Variants in PCLO observed in about 807,000 individuals in gnomAD.
PCLO encodes piccolo presynaptic cytomatrix protein.
In PCLO, 82 loss-of-function variants were observed where a neutral mutation model predicts 427.5. That is an observed-to-expected ratio of 0.19 (90% CI 0.16 to 0.23). The LOEUF is 0.23. Among genes scored for constraint, PCLO ranks in the 10% least tolerant of loss-of-function variants. The pLI is 1.00. For synonymous variants in PCLO, 2,357 were observed against 2,155.4 expected, an observed-to-expected ratio of 1.09 and a Z score of -2.59; for missense variants, 6,239 against 6,115.9, an observed-to-expected ratio of 1.02 and a Z score of -0.67.
rs568187704 is a variant in PCLO, at chr7:83,063,101, T to C, written c.3300+71149A>G. ...CAATCTAGGTAAAATTTTATTTCCA[T>C]TTTTGAGAGGAAGAAACTAAGTAAA... On this transcript the variant is annotated intron_variant, in intron 3 of 24. Coordinates refer to ENST00000333891, the MANE Select transcript of PCLO (RefSeq NM_033026.6). Among the ~76,000 whole-genome samples, 4 of 152,208 alleles carry C rather than the reference T, an allele frequency of 2.6e-5. No individual in the cohort carries two copies. In the South Asian group the frequency reaches 8.3e-4, roughly 32 times the overall value.
rs1436769886 is a variant in PCLO at position 82,952,061 on chromosome 7, C to T, written c.8892G>A (p.Glu2964=). The T allele has an allele frequency of 6.2e-7, 1 of 1,613,964 alleles. No homozygotes were observed. Among genetic ancestry groups the T allele is most frequent in the East Asian group, 2.2e-5 (1 of 44,874 alleles). The change falls in exon 5 of 25, where the codon GAG becomes GAA. Residue 2964 remains glutamate (E), a synonymous_variant. Coordinates refer to ENST00000333891, the MANE Select transcript of PCLO (RefSeq NM_033026.6). ...GGTCATCCCTATAACCAAAACGATC[C>T]TCAGGAAGAGTAGTTGCAGGCTGCT... ...TAQQPATTLP[E]DRFGYRDDHY...
rs181143686 is a variant in PCLO, at chr7:82,953,945, G to A, written c.7008C>T (p.Ser2336=). 103 of 1,613,818 alleles carry A rather than the reference G, an allele frequency of 6.4e-5. No homozygotes were observed. In the African/African-American group the frequency reaches 9.3e-4, roughly 15 times the overall value. The change falls in exon 5 of 25, where the codon TCC becomes TCT. Residue 2336 remains serine (S), a synonymous_variant. Coordinates refer to ENST00000333891, the MANE Select transcript of PCLO (RefSeq NM_033026.6). ...AAGGTGGGTGATCAAACACGGTTTC[G>A]GATAAGCTACTTTTTGTTCGTTCGG... ...LEAERTKSSL[S]ETVFDHPPSS...
chr7:83,156,136 C>T lies in PCLO; in HGVS notation c.505G>A (p.Val169Ile). ...TCAAAAGGGTTGAATTTATTTACAACAGAGGAAACAGCACTTAAAGCGTTA... is the reference window on the plus strand; with the variant it reads ...TCAAAAGGGTTGAATTTATTTACAATAGAGGAAACAGCACTTAAAGCGTTA... ...EVNALSAVSS[V>I]VNKFNPFDLI... The change falls in exon 2 of 25, where the codon GTT (valine) becomes ATT (isoleucine). Residue 169 changes from valine (V) to isoleucine (I), a missense_variant. Physicochemically the swap from Val to Ile is conservative, Grantham distance 29. Transcript: ENST00000333891. 1 of 1,613,838 alleles carries T rather than the reference C, an allele frequency of 6.2e-7. No homozygotes were observed. Among genetic ancestry groups the T allele is most frequent in the Non-Finnish European group, 8.5e-7 (1 of 1,179,840 alleles).
At chr7:82,906,244 G>A (rs890756401) in intron 8 of PCLO, among the ~76,000 whole-genome samples, 6 of 151,984 alleles carry the variant, frequency 3.9e-5, no homozygotes, top group Non-Finnish European at 7.4e-5. Flanking sequence ...AGATAAATTA[G>A]TGTTTGCATT....
intron 3 of PCLO, among the ~76,000 whole-genome samples, chr7:83,099,172 G>A (rs189084892): frequency 1.5e-4 from 23 of 150,100 alleles, no homozygotes; most frequent in Admixed American, 1.3e-3. Context: ...GTCATTGAAC[G>A]TGTATAGGCA....
intron 9 of PCLO, among the ~76,000 whole-genome samples, chr7:82,888,093 A>G (rs1793671519): frequency 6.6e-6 from 1 of 152,056 alleles, no homozygotes; most frequent in Admixed American, 6.6e-5. Context: ...AAAGAAAGAA[A>G]GAAAATGAAT....
chr7:82,797,386 T>C (rs969441687), intron 22 of PCLO, among the ~76,000 whole-genome samples: 6 of 152,234 alleles, frequency 3.9e-5, no homozygotes, highest in South Asian at 2.1e-4. Context: ...TCTTAACTAA[T>C]GGAAGGGTCA....
At chr7:83,117,321 A>G (rs1791159856) in intron 3 of PCLO, among the ~76,000 whole-genome samples, 2 of 152,194 alleles carry the variant, frequency 1.3e-5, no homozygotes, top group East Asian at 3.9e-4. Flanking sequence ...TCCAGCCCTT[A>G]GTTAACTGGC....
chr7:82,834,754 T>A (rs1247786828), intron 16 of PCLO, among the ~76,000 whole-genome samples: 1 of 152,154 alleles, frequency 6.6e-6, no homozygotes, highest in Admixed American at 6.6e-5. Context: ...ATGCAACTTG[T>A]CATGAGCTGT....
Position 82,858,187 on chromosome 7 carries a change from T to C in PCLO, c.13655-10940A>G, listed in dbSNP as rs147582616. 9.9e-4 allele frequency among the ~76,000 whole-genome samples: 151 copies of C among 152,196 alleles called. 4 individuals are homozygous for C. The East Asian group carries it at 0.025, about 25-fold the overall frequency. ...AACATATGGAAGTCAATACACGTGC[T>C]ACACATTAAAAAAATGAAGAACAAA... On this transcript the variant is annotated intron_variant, in intron 10 of 24. Transcript: ENST00000333891.
At chr7:82,766,412 A>C (rs1373893032) in intron 22 of PCLO, among the ~76,000 whole-genome samples, 1 of 152,040 alleles carries the variant, frequency 6.6e-6, no homozygotes, top group African/African-American at 2.4e-5. Flanking sequence ...AACCTAGTTA[A>C]ATGAGGTGGC....
rs1795359615 is a variant in PCLO, at chr7:82,951,926, A to T, written c.9027T>A (p.Ser3009Arg). The T allele has an allele frequency of 2.5e-6, 4 of 1,613,794 alleles. No individual in the cohort carries two copies. The highest frequency in any genetic ancestry group is 3.3e-5 in the Admixed American group (2 of 60,000). ...LAEAGHFFYK[S>R]KNAFDYSEGT... is the part of the protein sequence containing the mutation. ...CTTCAGAATAATCAAAAGCATTCTT[A>T]CTTTTATAGAAAAAATGTCCAGCTT... The change falls in exon 5 of 25, where the codon AGT (serine) becomes AGA (arginine). Residue 3009 changes from serine to arginine, a missense_variant. Physicochemically the swap from Ser to Arg is moderately radical, Grantham distance 110. Transcript: ENST00000333891.
chr7:82,879,673 G>A (rs898407156), intron 9 of PCLO, among the ~76,000 whole-genome samples: 6 of 152,036 alleles, frequency 3.9e-5, no homozygotes, highest in African/African-American at 1.2e-4. Flanking sequence ...TCCAATGATT[G>A]ACCTGATATT....
intron 3 of PCLO, among the ~76,000 whole-genome samples, chr7:83,066,049 C>A (rs1221491296): frequency 6.6e-6 from 1 of 152,100 alleles, no homozygotes; most frequent in African/African-American, 2.4e-5. Flanking sequence ...TTAGCACTTA[C>A]ATTTTCTTCT....
In PCLO at chr7:83,065,931, C is replaced by T. The variant is rs556398768; in HGVS notation, c.3300+68319G>A. Among the ~76,000 whole-genome samples, 5 of 152,156 alleles carry T rather than the reference C, an allele frequency of 3.3e-5. 1 individual carries two copies. Among genetic ancestry groups the T allele is most frequent in the African/African-American group, 1.2e-4 (5 of 41,552 alleles). On this transcript the variant is annotated intron_variant, in intron 3 of 24. Coordinates refer to ENST00000333891, the MANE Select transcript of PCLO (RefSeq NM_033026.6). ...GATTATCTTCTTGTGGTTGGTTTTACATCATGTTTTCAGTAGACTCTCATA... is the reference window on the plus strand; with the variant it reads ...GATTATCTTCTTGTGGTTGGTTTTATATCATGTTTTCAGTAGACTCTCATA...
At position 82,953,085 on chromosome 7, in the gene PCLO, A is replaced by C. The variant is rs776949129; in HGVS notation, c.7868T>G (p.Val2623Gly). The C allele has an allele frequency of 7.0e-5, 113 of 1,613,828 alleles. No homozygotes were observed. Among genetic ancestry groups the C allele is most frequent in the Middle Eastern group, 4.9e-4 (3 of 6,084 alleles). ...LVSVEPVFSV[V>G]PPVTAVEIPI... ...AATTTCTACAGCTGTCACAGGAGGA[A>C]CTACAGAAAACACAGGTTCAACAGA... Residue 2623 changes from valine (V) to glycine (G), a missense_variant, in exon 5 of 25, where the codon GTT becomes GGT. This residue lies in a region of PCLO where 4,677 missense variants were observed against 4,468.4 expected (regional missense o/e 1.05). Transcript: ENST00000333891.
chr7:82,832,294 G>T (rs1400087874), intron 16 of PCLO, among the ~76,000 whole-genome samples: 1 of 151,976 alleles, frequency 6.6e-6, no homozygotes, highest in East Asian at 1.9e-4. Flanking sequence ...TTGCTCTGTT[G>T]CTCAGGCTGG....
chr7:82,972,646 G>A (rs189456600), intron 3 of PCLO, among the ~76,000 whole-genome samples: 1 of 151,962 alleles, frequency 6.6e-6, no homozygotes, highest in East Asian at 1.9e-4. Context: ...TCCACCCATA[G>A]AAGTATGTAG....
At chr7:83,113,673 G>A in intron 3 of PCLO, among the ~76,000 whole-genome samples, 1 of 152,056 alleles carries the variant, frequency 6.6e-6, no homozygotes. Context: ...CTAAGCACCT[G>A]GAATAATGCC....
Sources: gnomAD v4.1 joint callset for allele counts (sites outside exome capture counted in the v4.1 genomes callset) on GRCh38, gnomAD v4.1.1 for gene constraint, gnomAD v4.1.1 regional missense constraint, MANE v1.5 for transcripts, NCBI Gene and HGNC (gene_info 2026-07-23, HGNC 2026-07-21) for gene names.